RAP1A: variants seen among roughly 807,000 people sequenced by gnomAD.
RAP1A encodes the protein RAP1A, member of RAS oncogene family.
Under a neutral mutation model 26.4 loss-of-function variants are expected in RAP1A, and 6 were observed. The ratio of observed to expected loss-of-function variants is 0.23; its 90% CI spans 0.12 to 0.45. RAP1A has a LOEUF of 0.45. Among genes scored for constraint, RAP1A ranks in the 20% least tolerant of loss-of-function variants. RAP1A has a pLI of 0.99. For synonymous variants in RAP1A, 73 were observed against 79.4 expected, an observed-to-expected ratio of 0.92 and a Z score of 0.43; for missense variants, 121 against 217.2, an observed-to-expected ratio of 0.56 and a Z score of 2.78.
intron 1 of RAP1A, among the ~76,000 whole-genome samples, chr1:111,689,748 C>T (rs1661611600): frequency 6.6e-6 from 1 of 152,160 alleles, no homozygotes; most frequent in African/African-American, 2.4e-5. Flanking sequence ...CAGCTCACTG[C>T]AAGCTCCGTC....
intron 1 of RAP1A, among the ~76,000 whole-genome samples, chr1:111,676,892 C>A (rs899902456): frequency 6.6e-6 from 1 of 151,958 alleles, no homozygotes; most frequent in Non-Finnish European, 1.5e-5. Context: ...TTCCCATGTT[C>A]AAGCAATTCT....
intron 1 of RAP1A, among the ~76,000 whole-genome samples, chr1:111,668,593 G>A (rs1400833945): frequency 6.6e-6 from 1 of 152,190 alleles, no homozygotes; most frequent in African/African-American, 2.4e-5. Context: ...TAGTAAAGTA[G>A]TAGAACCAGG....
chr1:111,550,933 A>G (rs1270779244), intron 1 of RAP1A, among the ~76,000 whole-genome samples: 2 of 152,204 alleles, frequency 1.3e-5, no homozygotes, highest in African/African-American at 2.4e-5. Context: ...CATGTTTATC[A>G]TTGTTATATC....
At chr1:111,648,683 T>C in intron 1 of RAP1A, 1 of 550,134 alleles carries the variant, frequency 1.8e-6, no homozygotes, top group Admixed American at 2.2e-5. Flanking sequence ...GGACTGTATG[T>C]CTCAGCTCTG....
chr1:111,667,832 A>T (rs1246759255), intron 1 of RAP1A, among the ~76,000 whole-genome samples: 1 of 152,194 alleles, frequency 6.6e-6, no homozygotes, highest in East Asian at 1.9e-4. Context: ...CTCAGAGGCT[A>T]AAAAGTAAGT....
At position 111,709,196 on chromosome 1, in the gene RAP1A, AAAG is replaced by A. The variant is rs779717524; in HGVS notation, c.523_525del (p.Lys175del). 1 of 1,613,734 alleles carries A rather than the reference AAAG, an allele frequency of 6.2e-7. No homozygotes were observed. ...AGATAAATAGGAAAACACCAGTGGA[AAAG>A]AAGAAGCCTAAAAAGAAATCATGTC... On this transcript the variant is annotated inframe_deletion, in exon 7 of 8. Coordinates refer to ENST00000369709, the MANE Select transcript of RAP1A (RefSeq NM_002884.4).
chr1:111,700,135 C>T (rs1661971810), intron 4 of RAP1A, among the ~76,000 whole-genome samples: 1 of 152,164 alleles, frequency 6.6e-6, no homozygotes, highest in Admixed American at 6.6e-5. Flanking sequence ...TTCCTAACAA[C>T]ACTGCTTTGG....
intron 4 of RAP1A, among the ~76,000 whole-genome samples, chr1:111,697,837 A>G (rs1031894431): frequency 3.9e-5 from 6 of 152,058 alleles, no homozygotes; most frequent in African/African-American, 1.4e-4. Flanking sequence ...TCTTGGCACC[A>G]TAGTCATTAA....
chr1:111,622,045 A>G (rs1314507134), intron 1 of RAP1A, among the ~76,000 whole-genome samples: 3 of 152,230 alleles, frequency 2.0e-5, no homozygotes, highest in African/African-American at 7.2e-5. Flanking sequence ...ATTTTAATAG[A>G]TGGGAAGAAA....
chr1:111,678,410 C>T (rs772653067), intron 1 of RAP1A, among the ~76,000 whole-genome samples: 1 of 151,892 alleles, frequency 6.6e-6, no homozygotes, highest in Non-Finnish European at 1.5e-5. Flanking sequence ...CAGTTCTTTG[C>T]CAGTGTATAG....
intron 1 of RAP1A, among the ~76,000 whole-genome samples, chr1:111,640,781 G>A (rs1458158220): frequency 6.6e-6 from 1 of 152,106 alleles, no homozygotes; most frequent in Non-Finnish European, 1.5e-5. Context: ...GCAACATAGT[G>A]AGACCCTGTC....
chr1:111,617,464 G>A (rs1164349410), upstream of RAP1A, among the ~76,000 whole-genome samples: 1 of 151,956 alleles, frequency 6.6e-6, no homozygotes, highest in Non-Finnish European at 1.5e-5. Context: ...ACAGAGTCTC[G>A]CTCTGTTGCC....
chr1:111,575,041 T>A (rs1163329118), intron 1 of RAP1A, among the ~76,000 whole-genome samples: 1 of 152,252 alleles, frequency 6.6e-6, no homozygotes, highest in African/African-American at 2.4e-5. Flanking sequence ...ATAGTAAATA[T>A]TCTAATAAAT....
rs562823158 is a variant in RAP1A, at chr1:111,672,294, CAT to C, written c.-27-19037_-27-19036del. Among the ~76,000 whole-genome samples the C allele has an allele frequency of 1.8e-4, 27 of 152,118 alleles. No individual in the cohort carries two copies. The East Asian group carries it at 2.7e-3, about 15-fold the overall frequency. On this transcript the variant is annotated intron_variant, in intron 1 of 7. Coordinates refer to ENST00000369709, the MANE Select transcript of RAP1A (RefSeq NM_002884.4). ...TGCTATTAACATAAATTAATATTAACATATTTATATACATGGATTGTCTGACA... is the reference window on the plus strand; with the variant it reads ...TGCTATTAACATAAATTAATATTAACATTTATATACATGGATTGTCTGACA...
chr1:111,615,433 T>C (rs946562263), upstream of RAP1A, among the ~76,000 whole-genome samples: 5 of 152,046 alleles, frequency 3.3e-5, no homozygotes, highest in Non-Finnish European at 7.4e-5. Context: ...TGGGGGCAGC[T>C]GGAAGGGCCA....
At chr1:111,588,930 A>G (rs1019408829) in intron 1 of RAP1A, among the ~76,000 whole-genome samples, 3 of 152,276 alleles carry the variant, frequency 2.0e-5, no homozygotes, top group African/African-American at 7.2e-5. Flanking sequence ...AAACAAGGTC[A>G]AGTGAATAAG....
chr1:111,619,719 T>G, upstream of RAP1A: 1 of 393,144 alleles, frequency 2.5e-6, no homozygotes, highest in Non-Finnish European at 4.5e-6. Flanking sequence ...ATCGCCAACT[T>G]GGAGGGGCGG....
chr1:111,636,835 T>G (rs535749066), intron 1 of RAP1A, among the ~76,000 whole-genome samples: 1 of 152,230 alleles, frequency 6.6e-6, no homozygotes, highest in Non-Finnish European at 1.5e-5. Context: ...TGGGAATTTC[T>G]AGATTTCTAG....
intron 1 of RAP1A, among the ~76,000 whole-genome samples, chr1:111,673,967 T>G (rs1164407881): frequency 1.3e-5 from 2 of 152,238 alleles, no homozygotes; most frequent in Non-Finnish European, 2.9e-5. Flanking sequence ...CTTGAATGTC[T>G]TGCCATTTTA....
Sources: allele counts gnomAD v4.1 joint callset (sites outside exome capture counted in the v4.1 genomes callset), GRCh38; gene constraint gnomAD v4.1.1; transcripts MANE v1.5; gene names NCBI Gene and HGNC (gene_info 2026-07-23, HGNC 2026-07-21).